ISM1: variants seen among roughly 807,000 people sequenced by gnomAD.
ISM1 encodes the protein isthmin-1.
Under a neutral mutation model 46.3 loss-of-function variants are expected in ISM1, and 25 were observed. That is an observed-to-expected ratio of 0.54 (90% CI 0.39 to 0.75). ISM1 has a LOEUF of 0.75. ISM1 is among the 30% of genes least tolerant of loss of function. The pLI, the probability that ISM1 is intolerant of heterozygous loss-of-function variation, is 0.00. For missense variants in ISM1, 536 were observed against 625.4 expected (o/e 0.86, Z 1.52); for synonymous variants, 255 against 256.7 (o/e 0.99, Z 0.06).
At chr20:13,303,197 G>T (rs1052765505), downstream of ISM1, among the ~76,000 whole-genome samples, 1 of 152,166 alleles carries the variant, frequency 6.6e-6, no homozygotes, top group East Asian at 1.9e-4. Flanking sequence ...CAAAGCCCAG[G>T]CTCTTAAACC....
intron 1 of ISM1, among the ~76,000 whole-genome samples, chr20:13,243,409 G>T (rs1027043491): frequency 1.3e-5 from 2 of 152,108 alleles, no homozygotes; most frequent in Non-Finnish European, 2.9e-5. Context: ...CCTGATAAGG[G>T]TTGCCTCCAG....
chr20:13,254,924 T>C (rs2039909525), intron 1 of ISM1, among the ~76,000 whole-genome samples: 1 of 152,314 alleles, frequency 6.6e-6, no homozygotes. Context: ...CTTCCATTCA[T>C]TCAGAGAGCA....
chr20:13,235,876 A>T (rs1319429026), intron 1 of ISM1, among the ~76,000 whole-genome samples: 1 of 151,928 alleles, frequency 6.6e-6, no homozygotes, highest in African/African-American at 2.4e-5. Context: ...GAAACAGAAC[A>T]TGCCTGGGGA....
At chr20:13,316,799 A>T in the ISM1 span, among the ~76,000 whole-genome samples, 1 of 152,060 alleles carries the variant, frequency 6.6e-6, no homozygotes, top group Middle Eastern at 3.4e-3. Context: ...CAACTTGATA[A>T]AGAAAACCTA....
At chr20:13,273,799 C>G (rs2040142360) in intron 2 of ISM1, among the ~76,000 whole-genome samples, 1 of 152,116 alleles carries the variant, frequency 6.6e-6, no homozygotes, top group South Asian at 2.1e-4. Flanking sequence ...TGCCTACTGC[C>G]CAGTCAAGTT....
intron 1 of ISM1, among the ~76,000 whole-genome samples, chr20:13,255,803 C>T (rs893222393): frequency 2.6e-5 from 4 of 152,104 alleles, no homozygotes; most frequent in Non-Finnish European, 5.9e-5. Flanking sequence ...CATGGTAGAC[C>T]TAAGTGAAAC....
At chr20:13,274,913 TA>T (rs1286665203) in intron 2 of ISM1, among the ~76,000 whole-genome samples, 6 of 152,182 alleles carry the variant, frequency 3.9e-5, no homozygotes, top group African/African-American at 1.4e-4. Context: ...ATATGAAATT[TA>T]AAACAATATA....
chr20:13,275,794 G>A (rs2040172386), intron 2 of ISM1, among the ~76,000 whole-genome samples: 1 of 152,162 alleles, frequency 6.6e-6, no homozygotes, highest in Non-Finnish European at 1.5e-5. Context: ...AGATGACAAA[G>A]GAAATGTACA....
chr20:13,229,513 T>G (rs887045192), intron 1 of ISM1, among the ~76,000 whole-genome samples: 11 of 152,242 alleles, frequency 7.2e-5, no homozygotes, highest in Non-Finnish European at 5.9e-5. Context: ...TTCTCTCTTT[T>G]ATTGCTAAAT....
chr20:13,289,980 C>T (rs1357794872), intron 4 of ISM1, among the ~76,000 whole-genome samples: 2 of 152,006 alleles, frequency 1.3e-5, no homozygotes, highest in African/African-American at 2.4e-5. Flanking sequence ...ACATTTGGAA[C>T]AAAGGAGAAA....
rs141255544 is a variant in ISM1 at position 13,238,791 on chromosome 20, G to T, written c.138+16877G>T. 2.2e-3 allele frequency among the ~76,000 whole-genome samples: 341 copies of T among 152,242 alleles called. 3 individuals carry two copies. Among genetic ancestry groups the T allele is most frequent in the African/African-American group, 7.3e-3 (303 of 41,520 alleles). On this transcript the variant is annotated intron_variant, in intron 1 of 5. Coordinates refer to ENST00000262487, the MANE Select transcript of ISM1 (RefSeq NM_080826.2). ...GACCAATCCAGAATAATCCTTTCAG[G>T]TTCACTCATGATAGCAGTTGATCAG...
At chr20:13,317,042 C>T in the ISM1 span, among the ~76,000 whole-genome samples, 1 of 151,588 alleles carries the variant, frequency 6.6e-6, no homozygotes, top group African/African-American at 2.4e-5. Flanking sequence ...TGTAAAAAAT[C>T]CAAAACAATC....
At chr20:13,270,353 C>A in intron 1 of ISM1, 151 bp from the exon 2 acceptor site, 1 of 810,396 alleles carries the variant, frequency 1.2e-6, no homozygotes, top group Non-Finnish European at 1.9e-6. Context: ...AGAAACTAAA[C>A]CATGGGTTTG....
Position 13,292,468 on chromosome 20 carries a change from GA to G in ISM1, c.877+6del, listed in dbSNP as rs2040363805. 19 of 1,573,386 alleles carry G rather than the reference GA, an allele frequency of 1.2e-5. No homozygotes were observed. Among genetic ancestry groups the G allele is most frequent in the Non-Finnish European group, 1.6e-5 (19 of 1,155,886 alleles). Reference sequence around the variant, plus strand: ...CCACCAAACTGTTTGAAGTTGGTAAGATTTTTTTCTTTTTTAATCCAAATAT... The same window carrying G: ...CCACCAAACTGTTTGAAGTTGGTAAGTTTTTTTCTTTTTTAATCCAAATAT... On this transcript the variant is annotated splice_donor_region_variant and intron_variant, in intron 5 of 5. Coordinates refer to ENST00000262487, the MANE Select transcript of ISM1 (RefSeq NM_080826.2).
chr20:13,292,871 A>C (rs185425482), intron 5 of ISM1, among the ~76,000 whole-genome samples: 272 of 152,118 alleles, frequency 1.8e-3, no homozygotes, highest in African/African-American at 6.0e-3. Context: ...AGATTTTCTC[A>C]AAATATTGCA....
chr20:13,273,819 C>G (rs543237506), intron 2 of ISM1, among the ~76,000 whole-genome samples: 1 of 152,314 alleles, frequency 6.6e-6, no homozygotes, highest in South Asian at 2.1e-4. Context: ...TATTCTATTT[C>G]TGCTCTATAC....
At chr20:13,240,636 G>A (rs1432689774) in intron 1 of ISM1, among the ~76,000 whole-genome samples, 1 of 152,214 alleles carries the variant, frequency 6.6e-6, no homozygotes, top group Non-Finnish European at 1.5e-5. Context: ...TGGTGAGGAA[G>A]CAGCCATTGA....
At chr20:13,269,934 A>AGGATGGAAGGATGGATGGATGGAT (rs2040091761) in intron 1 of ISM1, among the ~76,000 whole-genome samples, 3 of 149,910 alleles carry the variant, frequency 2.0e-5, no homozygotes, top group Non-Finnish European at 3.0e-5. Flanking sequence ...TGTGGGTGGA[A>AGGATGGAAGGATGGATGGATGGAT]GGATGGATGG....
At chr20:13,325,205 G>C in the ISM1 span, among the ~76,000 whole-genome samples, 355 of 152,306 alleles carry the variant, frequency 2.3e-3, no homozygotes, top group African/African-American at 7.4e-3. Flanking sequence ...CCCTTCTCAC[G>C]AGAAACGCAT....
Sources: gnomAD v4.1 joint callset for allele counts (sites outside exome capture counted in the v4.1 genomes callset) on GRCh38, gnomAD v4.1.1 for gene constraint, MANE v1.5 for transcripts, NCBI Gene and HGNC (gene_info 2026-07-23, HGNC 2026-07-21) for gene names.